Variants in NCAM1 observed in about 807,000 individuals in gnomAD.
NCAM1 encodes the protein antigen recognized by monoclonal antibody 5.1H11.
In NCAM1, 14 loss-of-function variants were observed where a neutral mutation model predicts 109.8. The observed-to-expected ratio is 0.13, with a 90% CI of 0.08 to 0.20. The LOEUF (loss-of-function observed/expected upper bound fraction) is 0.20, where lower values mean the gene tolerates loss of function less well. Ranked by LOEUF, NCAM1 falls within the 10% of genes least tolerant of loss-of-function variation. The pLI, the probability that NCAM1 is intolerant of heterozygous loss-of-function variation, is 1.00. For missense variants in NCAM1, 774 were observed against 1,109.9 expected (o/e 0.70, Z 4.30); for synonymous variants, 418 against 442.9 (o/e 0.94, Z 0.70).
chr11:113,063,569 T>C (rs1937783364), intron 1 of NCAM1, among the ~76,000 whole-genome samples: 1 of 152,310 alleles, frequency 6.6e-6, no homozygotes, highest in Non-Finnish European at 1.5e-5. Flanking sequence ...CATTTCAAGA[T>C]GCCCAGTTCT....
At chr11:113,191,773 GTA>G (rs10552025) in intron 1 of NCAM1, among the ~76,000 whole-genome samples, 78,620 of 139,060 alleles carry the variant, frequency 0.57, 22,426 homozygotes, top group South Asian at 0.7. Flanking sequence ...GTGTGTGTGT[GTA>G]TATATATATA....
intron 1 of NCAM1, among the ~76,000 whole-genome samples, chr11:113,083,394 A>G (rs1303813371): frequency 2.0e-5 from 3 of 152,140 alleles, no homozygotes; most frequent in Non-Finnish European, 2.9e-5. Flanking sequence ...TGATCATTAG[A>G]TGGGAGGTGA....
At chr11:113,081,175 G>A (rs1938795221) in intron 1 of NCAM1, among the ~76,000 whole-genome samples, 1 of 152,208 alleles carries the variant, frequency 6.6e-6, no homozygotes, top group Non-Finnish European at 1.5e-5. Context: ...CTGGCACACT[G>A]TTTCTCACTG....
At chr11:113,200,250 G>C (rs1298798027) in intron 1 of NCAM1, among the ~76,000 whole-genome samples, 1 of 152,204 alleles carries the variant, frequency 6.6e-6, no homozygotes, top group Non-Finnish European at 1.5e-5. Flanking sequence ...CATAGACACA[G>C]CTTCTGGGCT....
intron 1 of NCAM1, among the ~76,000 whole-genome samples, chr11:113,168,751 C>A (rs768198837): frequency 8.5e-5 from 13 of 152,104 alleles, no homozygotes; most frequent in Non-Finnish European, 1.8e-4. Flanking sequence ...AAACGCTGAG[C>A]TAATTATATT....
intron 1 of NCAM1, among the ~76,000 whole-genome samples, chr11:113,178,400 C>T (rs1177972983): frequency 2.0e-5 from 3 of 152,194 alleles, no homozygotes; most frequent in African/African-American, 7.2e-5. Context: ...TACCTTTCTG[C>T]CCTGAGAGAT....
chr11:113,188,031 TC>T (rs1430239965), intron 1 of NCAM1, among the ~76,000 whole-genome samples: 1 of 152,232 alleles, frequency 6.6e-6, no homozygotes, highest in Non-Finnish European at 1.5e-5. Flanking sequence ...CAGTGCCTTT[TC>T]TTTTTGACCA....
intron 7 of NCAM1, among the ~76,000 whole-genome samples, chr11:113,211,366 G>A (rs1448852282): frequency 6.6e-6 from 1 of 152,148 alleles, no homozygotes; most frequent in Non-Finnish European, 1.5e-5. Flanking sequence ...CAGTATGTAT[G>A]GGACATATCT....
At chr11:113,223,035 G>A (rs1555115595) in intron 9 of NCAM1, among the ~76,000 whole-genome samples, 1 of 152,172 alleles carries the variant, frequency 6.6e-6, no homozygotes, top group African/African-American at 2.4e-5. Context: ...CCTGGAAGGA[G>A]GGAGACAAAA....
chr11:113,062,651 T>G (rs1937725403), intron 1 of NCAM1, among the ~76,000 whole-genome samples: 1 of 152,196 alleles, frequency 6.6e-6, no homozygotes, highest in African/African-American at 2.4e-5. Flanking sequence ...GGACGACCTC[T>G]CCAAGGAGAT....
At chr11:113,034,157 A>C (rs1555078750) in intron 1 of NCAM1, among the ~76,000 whole-genome samples, 1 of 152,178 alleles carries the variant, frequency 6.6e-6, no homozygotes, top group Non-Finnish European at 1.5e-5. Flanking sequence ...ACTCACTCAC[A>C]TGTCCTGGGG....
chr11:112,961,683 T>TTTA lies in NCAM1; in HGVS notation c.52+19_52+20insTTA. ...ACTGCAGGTACATTTTTTTTTTTTT[T>TTTA]AATTCTCAATCTGGTTTGCTAATTA... On this transcript the variant is annotated intron_variant, in intron 1 of 19. Coordinates refer to ENST00000316851, the MANE Select transcript of NCAM1 (RefSeq NM_181351.5). 1 of 1,353,578 alleles carries TTTA rather than the reference T, an allele frequency of 7.4e-7. No individual in the cohort carries two copies. Among genetic ancestry groups the TTTA allele is most frequent in the Non-Finnish European group, 1.0e-6 (1 of 966,074 alleles). The allele number at this position is 1,353,578 out of a possible 1,614,324, so 83.8% of individuals were successfully genotyped here. A position where few individuals can be genotyped will look rare whatever the true frequency, so the allele number is the denominator to read the frequency against.
chr11:113,221,436 AG>A lies in NCAM1; in HGVS notation c.1089+112del, dbSNP rs1186172152. On this transcript the variant is annotated intron_variant, in intron 9 of 19. Coordinates refer to ENST00000316851, the MANE Select transcript of NCAM1 (RefSeq NM_181351.5). ...CTAAACTAATTAGTAATTTAGCTAA[AG>A]AATAGGTCGATAGTGGTAGACATTA... 20 of 1,171,356 alleles carry A rather than the reference AG, an allele frequency of 1.7e-5. No homozygotes were observed. In the Admixed American group the frequency reaches 3.8e-4, roughly 22 times the overall value. 72.6% of individuals were successfully genotyped at this position (1,171,356 alleles called of 1,614,324 possible). A position where few individuals can be genotyped will look rare whatever the true frequency, so the allele number is the denominator to read the frequency against.
rs1036668672 is a variant in NCAM1 at position 113,273,549 on chromosome 11, G to A, written c.2456+1673G>A. 1 of 377,400 alleles carries A rather than the reference G, an allele frequency of 2.6e-6. No individual in the cohort carries two copies. Among genetic ancestry groups the A allele is most frequent in the Non-Finnish European group, 5.5e-6 (1 of 182,414 alleles). The allele number at this position is 377,400 out of a possible 1,614,324, so 23.4% of individuals were successfully genotyped here. A position where few individuals can be genotyped will look rare whatever the true frequency, so the allele number is the denominator to read the frequency against. ...TAGCCCGAAGAGCGAGGCTGCCTCC[G>A]TCAGCACCACAAACCCTTCCCAGGG... On this transcript the variant is annotated intron_variant, in intron 19 of 19. Transcript: ENST00000316851. This position sits in a 1 kb window ranked among gnomAD's most constrained non-coding sequence, Gnocchi z 6.0.
rs782770088 is a variant in NCAM1, at chr11:113,235,021, A to T, written c.1694-12A>T. 33 of 1,543,818 alleles carry T rather than the reference A, an allele frequency of 2.1e-5. No individual in the cohort carries two copies. The East Asian group carries it at 7.9e-4, about 37-fold the overall frequency. ...AATAGACTCTTTTGTCATCCTTCCC[A>T]TATTATAACAGCCAGCATGGAGGGC... is the stretch of plus-strand genomic sequence containing the variant. On this transcript the variant is annotated splice_polypyrimidine_tract_variant and intron_variant, in intron 13 of 19. Coordinates refer to ENST00000316851, the MANE Select transcript of NCAM1 (RefSeq NM_181351.5).
chr11:113,269,365 T>C (rs1946215722), intron 17 of NCAM1, among the ~76,000 whole-genome samples: 1 of 151,998 alleles, frequency 6.6e-6, no homozygotes, highest in African/African-American at 2.4e-5. Context: ...AATGTGAGAG[T>C]GCATGCCTGT....
At chr11:113,042,906 A>C (rs1953128132) in intron 1 of NCAM1, among the ~76,000 whole-genome samples, 1 of 152,220 alleles carries the variant, frequency 6.6e-6, no homozygotes, top group East Asian at 1.9e-4. Flanking sequence ...ACTTTTCATC[A>C]CTACTTAGAT....
intron 1 of NCAM1, among the ~76,000 whole-genome samples, chr11:113,058,231 C>G (rs1953784302): frequency 6.6e-6 from 1 of 151,762 alleles, no homozygotes; most frequent in African/African-American, 2.4e-5. Context: ...TTGCAGTGAG[C>G]CGAGATCTCA....
intron 1 of NCAM1, among the ~76,000 whole-genome samples, chr11:113,025,153 C>A (rs565586666): frequency 5.3e-5 from 8 of 152,102 alleles, no homozygotes; most frequent in Non-Finnish European, 7.4e-5. Flanking sequence ...GCTTAACTAA[C>A]AATAATTTAG....
Sources: gnomAD v4.1 joint callset for allele counts (sites outside exome capture counted in the v4.1 genomes callset) on GRCh38, gnomAD v4.1.1 for gene constraint, Gnocchi (gnomAD v3.1) non-coding constraint, MANE v1.5 for transcripts, NCBI Gene and HGNC (gene_info 2026-07-23, HGNC 2026-07-21) for gene names.